Variants in CLDN1 observed in about 807,000 individuals in gnomAD.
CLDN1 encodes the protein claudin-1.
A neutral mutation model predicts 22.6 loss-of-function variants in CLDN1; 12 were observed. The observed-to-expected ratio is 0.53, with a 90% CI of 0.34 to 0.86. The LOEUF is 0.86. Among genes scored for constraint, CLDN1 ranks in the 40% least tolerant of loss-of-function variants. The probability of loss-of-function intolerance (pLI) is 0.02; values close to 1 mark genes in which losing one functional copy is unlikely to be tolerated. For missense variants in CLDN1, 250 were observed against 269.5 expected (o/e 0.93, Z 0.51); for synonymous variants, 99 against 103.8 (o/e 0.95, Z 0.28).
intron 1 of CLDN1, among the ~76,000 whole-genome samples, chr3:190,314,432 T>C (rs1042558645): frequency 6.6e-6 from 1 of 152,210 alleles, no homozygotes; most frequent in African/African-American, 2.4e-5. Flanking sequence ...TCTTGCTCTG[T>C]TGCCCAGGCT....
Position 190,310,222 on chromosome 3 carries a change from A to G in CLDN1, c.420T>C (p.Tyr140=). Residue 140 remains tyrosine, a synonymous_variant, in exon 3 of 4, where the codon TAT becomes TAC. Transcript: ENST00000295522. ...AGAATTCTTGAACGATTCTATTGCC[A>G]TACCATGCTGTGGCAACTAAAATAG... ...GLAILVATAW[Y]GNRIVQEFYD... 1 of 1,613,918 alleles carries G rather than the reference A, an allele frequency of 6.2e-7. No homozygotes were observed. The highest frequency in any genetic ancestry group is 8.5e-7 in the Non-Finnish European group (1 of 1,179,856).
intron 1 of CLDN1, among the ~76,000 whole-genome samples, chr3:190,321,743 C>T (rs1037794944): frequency 6.6e-6 from 1 of 152,160 alleles, no homozygotes; most frequent in Admixed American, 6.5e-5. Context: ...TAGGATGAAG[C>T]CACACCTAGA....
chr3:190,308,659 T>C (rs1716527709), intron 3 of CLDN1, among the ~76,000 whole-genome samples: 1 of 152,196 alleles, frequency 6.6e-6, no homozygotes, highest in African/African-American at 2.4e-5. Flanking sequence ...AAATAACACA[T>C]GTAATACCAG....
intron 1 of CLDN1, among the ~76,000 whole-genome samples, chr3:190,319,148 G>C (rs1490060629): frequency 1.3e-5 from 2 of 152,096 alleles, no homozygotes; most frequent in East Asian, 3.9e-4. Flanking sequence ...AGTCAAGTAA[G>C]AAGAAGCATT....
chr3:190,310,184 G>A lies in CLDN1; in HGVS notation c.458C>T (p.Thr153Ile), dbSNP rs757249673. 5.6e-6 allele frequency: 9 copies of A among 1,613,486 alleles called. No homozygotes were observed. Among genetic ancestry groups the A allele is most frequent in the Non-Finnish European group, 6.8e-6 (8 of 1,179,608 alleles). ...ATAGCGTTACCTGGCATTGACTGGGGTCATAGGGTCATAGAATTCTTGAAC... is the reference window on the plus strand; with the variant it reads ...ATAGCGTTACCTGGCATTGACTGGGATCATAGGGTCATAGAATTCTTGAAC... ...RIVQEFYDPM[T>I]PVNARYEFGQ... Residue 153 changes from threonine to isoleucine, a missense_variant, in exon 3 of 4, where the codon ACC becomes ATC. By Grantham distance (89) the Thr-to-Ile change is moderately conservative. Coordinates refer to ENST00000295522, the MANE Select transcript of CLDN1 (RefSeq NM_021101.5).
chr3:190,311,773 T>C (rs140948994), intron 2 of CLDN1, among the ~76,000 whole-genome samples: 143 of 151,244 alleles, frequency 9.5e-4, no homozygotes, highest in African/African-American at 3.3e-3. Context: ...CACAGAGAGA[T>C]TGCATATGTA....
At chr3:190,319,300 G>T (rs1716856078) in intron 1 of CLDN1, among the ~76,000 whole-genome samples, 1 of 152,090 alleles carries the variant, frequency 6.6e-6, no homozygotes, top group African/African-American at 2.4e-5. Flanking sequence ...TCAGCTACAA[G>T]AATCCCCAGG....
rs191169052 is a variant in CLDN1, at chr3:190,316,990, A to G, written c.224-3954T>C. ...TTTTGATCTATTTTTTAAAGTATGT[A>G]TCTAATGAGCTTCAAAGCTTAAGTT... is the stretch of plus-strand genomic sequence containing the variant. On this transcript the variant is annotated intron_variant, in intron 1 of 3. Transcript: ENST00000295522. 3.8e-4 allele frequency among the ~76,000 whole-genome samples: 58 copies of G among 152,292 alleles called. 1 individual carries two copies. The highest frequency in any genetic ancestry group is 3.4e-3 in the Middle Eastern group (1 of 294).
intron 1 of CLDN1, among the ~76,000 whole-genome samples, chr3:190,321,131 C>G (rs1447953580): frequency 6.6e-6 from 1 of 152,204 alleles, no homozygotes; most frequent in African/African-American, 2.4e-5. Context: ...TTCTTTCTCT[C>G]TCACTGCCTT....
At position 190,316,305 on chromosome 3, in the gene CLDN1, T is replaced by C. The variant is rs188654165; in HGVS notation, c.224-3269A>G. Among the ~76,000 whole-genome samples, 38 of 152,382 alleles carry C rather than the reference T, an allele frequency of 2.5e-4. 1 individual carries two copies. The highest frequency in any genetic ancestry group is 9.1e-4 in the African/African-American group (38 of 41,594). Reference sequence around the variant, plus strand: ...ACTATTGACTTATACAATTTATTTGTATGTTCCAATATTAGATTTGCATCA... The same window carrying C: ...ACTATTGACTTATACAATTTATTTGCATGTTCCAATATTAGATTTGCATCA... On this transcript the variant is annotated intron_variant, in intron 1 of 3. Coordinates refer to ENST00000295522, the MANE Select transcript of CLDN1 (RefSeq NM_021101.5).
chr3:190,313,303 A>G, intron 1 of CLDN1: 1 of 461,936 alleles, frequency 2.2e-6, no homozygotes, highest in South Asian at 2.3e-5. Flanking sequence ...CAACTGGAAA[A>G]TTAATTAATG....
rs76254809 is a variant in CLDN1, at chr3:190,319,534, T to C, written c.223+2450A>G. ...TCCTTCAGATACTTTATGAAGGTCA[T>C]ATGCTTTTTATGACCTACCCTACAT... On this transcript the variant is annotated intron_variant, in intron 1 of 3. Transcript: ENST00000295522. Among the ~76,000 whole-genome samples the C allele has an allele frequency of 4.5e-4, 68 of 152,324 alleles. No individual in the cohort carries two copies. The East Asian group carries it at 0.012, about 26-fold the overall frequency.
At chr3:190,314,229 C>G (rs1399105496) in intron 1 of CLDN1, among the ~76,000 whole-genome samples, 1 of 152,086 alleles carries the variant, frequency 6.6e-6, no homozygotes, top group East Asian at 1.9e-4. Flanking sequence ...TTTTGTATCT[C>G]AATATCTAAT....
Position 190,310,243 on chromosome 3 carries a change from AATAGCCAGACCT to A in CLDN1, c.389-2_398del. Reference sequence around the variant, plus strand: ...TGCCATACCATGCTGTGGCAACTAAAATAGCCAGACCTATAGAAATTCAAAACAAAAGACTGT... The same window carrying A: ...TGCCATACCATGCTGTGGCAACTAAAATAGAAATTCAAAACAAAAGACTGT... On this transcript the variant is annotated splice_acceptor_variant and coding_sequence_variant, in exon 3 of 4. Transcript: ENST00000295522. LOFTEE classifies it high-confidence loss of function. 1 of 1,613,480 alleles carries A rather than the reference AATAGCCAGACCT, an allele frequency of 6.2e-7. No homozygotes were observed. Among genetic ancestry groups the A allele is most frequent in the Non-Finnish European group, 8.5e-7 (1 of 1,179,548 alleles).
intron 3 of CLDN1, among the ~76,000 whole-genome samples, chr3:190,309,062 G>C (rs1256534832): frequency 6.6e-6 from 1 of 152,134 alleles, no homozygotes; most frequent in Non-Finnish European, 1.5e-5. Flanking sequence ...GGTTCTATAA[G>C]TTATAAGGCC....
intron 1 of CLDN1, 147 bp from the exon 2 acceptor site, chr3:190,313,183 T>C (rs1716673593): frequency 1.2e-6 from 1 of 831,976 alleles, no homozygotes; most frequent in Non-Finnish European, 1.9e-6. Context: ...ATGTTTCCGC[T>C]GGTAACCCAA....
rs1024434247 is a variant in CLDN1 at position 190,307,668 on chromosome 3, G to T, written c.*609C>A. On this transcript the variant is annotated 3_prime_UTR_variant, in exon 4 of 4. Coordinates refer to ENST00000295522, the MANE Select transcript of CLDN1 (RefSeq NM_021101.5). ...ATAAGGGCTTAATAACGATGCAAGTGCTATAAGATTATGGTAAAAAATAAA... is the reference window on the plus strand; with the variant it reads ...ATAAGGGCTTAATAACGATGCAAGTTCTATAAGATTATGGTAAAAAATAAA... 1 of 152,308 alleles carries T rather than the reference G, an allele frequency of 6.6e-6. No individual in the cohort carries two copies. Among genetic ancestry groups the T allele is most frequent in the African/African-American group, 2.4e-5 (1 of 41,428 alleles). The allele number at this position is 152,308 out of a possible 1,614,324, so 9.4% of individuals were successfully genotyped here.
At chr3:190,311,911 T>C (rs1716630736) in intron 2 of CLDN1, among the ~76,000 whole-genome samples, 1 of 151,998 alleles carries the variant, frequency 6.6e-6, no homozygotes, top group African/African-American at 2.4e-5. Context: ...ATGTAACTTA[T>C]CAATCAACAC....
chr3:190,316,677 T>C (rs1716778464), intron 1 of CLDN1, among the ~76,000 whole-genome samples: 1 of 152,218 alleles, frequency 6.6e-6, no homozygotes, highest in Non-Finnish European at 1.5e-5. Flanking sequence ...AGATATTTAT[T>C]CCTATTTCCA....
Sources: gnomAD v4.1 joint callset for allele counts (sites outside exome capture counted in the v4.1 genomes callset) on GRCh38, gnomAD v4.1.1 for gene constraint, MANE v1.5 for transcripts, NCBI Gene and HGNC (gene_info 2026-07-23, HGNC 2026-07-21) for gene names.